Variants in PRLR observed in about 807,000 individuals in gnomAD.
PRLR encodes the protein hPRL receptor.
PRLR carries 13 observed loss-of-function variants against 40.2 expected under a neutral mutation model. That is an observed-to-expected ratio of 0.32 (90% confidence interval 0.21 to 0.51). The LOEUF is 0.51. Ranked by LOEUF, PRLR falls within the 20% of genes least tolerant of loss-of-function variation. The pLI, the probability that PRLR is intolerant of heterozygous loss-of-function variation, is 0.97. For missense variants in PRLR, 656 were observed against 747.3 expected (o/e 0.88, Z 1.42); for synonymous variants, 269 against 278.7 (o/e 0.97, Z 0.35).
chr5:35,222,244 G>A (rs1470179822), intron 1 of PRLR, among the ~76,000 whole-genome samples: 8 of 152,012 alleles, frequency 5.3e-5, no homozygotes, highest in Admixed American at 1.3e-4. Flanking sequence ...CAGAGGTTGC[G>A]GTGAGCCGAG....
At chr5:35,092,543 G>A (rs1343614073) in intron 2 of PRLR, among the ~76,000 whole-genome samples, 1 of 152,094 alleles carries the variant, frequency 6.6e-6, no homozygotes, top group South Asian at 2.1e-4. Flanking sequence ...CACTAAGCTG[G>A]GGATAAATTA....
intron 1 of PRLR, among the ~76,000 whole-genome samples, chr5:35,203,950 G>A (rs1775945264): frequency 6.6e-6 from 1 of 151,966 alleles, no homozygotes; most frequent in African/African-American, 2.4e-5. Flanking sequence ...GAGGGTCACA[G>A]TAGTCACCAA....
At chr5:35,053,839 T>C (rs73091119), downstream of PRLR, among the ~76,000 whole-genome samples, 340 of 152,184 alleles carry the variant, frequency 2.2e-3, 1 homozygote, top group African/African-American at 7.8e-3. Flanking sequence ...TGGCCAAGAA[T>C]GGCCACAACA....
chr5:35,190,512 G>A (rs1775571349), intron 1 of PRLR, among the ~76,000 whole-genome samples: 1 of 152,094 alleles, frequency 6.6e-6, no homozygotes, highest in South Asian at 2.1e-4. Flanking sequence ...GTCTGAGGCA[G>A]GAGAATCGCT....
Position 35,065,499 on chromosome 5 carries a change from C to G in PRLR, c.1459G>C (p.Asp487His). The G allele has an allele frequency of 6.2e-7, 1 of 1,614,080 alleles. No homozygotes were observed. Reference sequence around the variant, plus strand: ...GGCAGCAGCCAGGGCGTATCCTGGTCAGTCTCAGAATGGAAGCTTTCTACC... The same window carrying G: ...GGCAGCAGCCAGGGCGTATCCTGGTGAGTCTCAGAATGGAAGCTTTCTACC... ...REVESFHSETDQDTPWLLPQE... is the reference protein window; with the variant it reads ...REVESFHSETHQDTPWLLPQE... The change falls in exon 10 of 10, where the codon GAC becomes CAC. Residue 487 changes from aspartate (D) to histidine (H), a missense_variant. Coordinates refer to ENST00000618457, the MANE Select transcript of PRLR (RefSeq NM_000949.7).
chr5:35,176,161 C>T (rs1775142404), intron 1 of PRLR, among the ~76,000 whole-genome samples: 1 of 152,046 alleles, frequency 6.6e-6, no homozygotes, highest in Non-Finnish European at 1.5e-5. Flanking sequence ...ATCTATTTGT[C>T]TCCCAATTTT....
downstream of PRLR, among the ~76,000 whole-genome samples, chr5:35,052,121 T>C (rs778204706): frequency 2.0e-5 from 3 of 152,156 alleles, no homozygotes; most frequent in Non-Finnish European, 4.4e-5. Context: ...AACTTACTTA[T>C]AAATCACCTC....
intron 1 of PRLR, among the ~76,000 whole-genome samples, chr5:35,137,096 G>A (rs2962110): frequency 0.21 from 31,717 of 152,146 alleles, 5,985 homozygotes; most frequent in African/African-American, 0.5. Flanking sequence ...ATCAGCAAAC[G>A]TTTACTGAGG....
chr5:35,197,652 T>C (rs537568423), intron 1 of PRLR, among the ~76,000 whole-genome samples: 1 of 152,332 alleles, frequency 6.6e-6, no homozygotes, highest in Admixed American at 6.5e-5. Context: ...GGGTGGAGGC[T>C]GAAGATGACC....
chr5:35,124,844 T>C (rs985771162), intron 1 of PRLR, among the ~76,000 whole-genome samples: 6 of 152,312 alleles, frequency 3.9e-5, no homozygotes, highest in African/African-American at 1.4e-4. Flanking sequence ...TTTTCCAAAA[T>C]GTTTTTCATC....
chr5:35,119,450 A>G (rs144241245), intron 1 of PRLR, among the ~76,000 whole-genome samples: 47 of 151,958 alleles, frequency 3.1e-4, no homozygotes, highest in African/African-American at 8.9e-4. Flanking sequence ...GGCATGATCA[A>G]TCAAGAGCCT....
intron 1 of PRLR, among the ~76,000 whole-genome samples, chr5:35,138,321 T>G (rs1047804302): frequency 1.3e-5 from 2 of 152,230 alleles, no homozygotes; most frequent in African/African-American, 4.8e-5. Context: ...AACTGTACAC[T>G]TAAGAATAGT....
chr5:35,060,462 G>A lies in PRLR; in HGVS notation c.*4627C>T, dbSNP rs1339684849. The A allele has an allele frequency of 1.3e-5, 2 of 152,162 alleles. No individual in the cohort carries two copies. The highest frequency in any genetic ancestry group is 3.9e-4 in the East Asian group (2 of 5,180). The allele number at this position is 152,162 out of a possible 1,614,324, so 9.4% of individuals were successfully genotyped here. A position where few individuals can be genotyped will look rare whatever the true frequency, so the allele number is the denominator to read the frequency against. The stretch of plus-strand genomic sequence containing the variant: ...AAGGGTGTGTCAGCAAGGCTTTCTT[G>A]CACTGCACCAGGGACACTGACCTGA... On this transcript the variant is annotated 3_prime_UTR_variant, in exon 10 of 10. Coordinates refer to ENST00000618457, the MANE Select transcript of PRLR (RefSeq NM_000949.7).
intron 9 of PRLR, among the ~76,000 whole-genome samples, chr5:35,066,905 A>T (rs930031786): frequency 7.2e-5 from 11 of 151,920 alleles, no homozygotes; most frequent in South Asian, 4.2e-4. Context: ...CTGGGACAAC[A>T]GGCGCCCACC....
chr5:35,220,758 C>T (rs982365727), intron 1 of PRLR, among the ~76,000 whole-genome samples: 7 of 152,110 alleles, frequency 4.6e-5, no homozygotes, highest in African/African-American at 1.7e-4. Flanking sequence ...ATCGTTCTCC[C>T]CTGCGATCTT....
At chr5:35,207,228 C>A (rs944833480) in intron 1 of PRLR, among the ~76,000 whole-genome samples, 7 of 151,950 alleles carry the variant, frequency 4.6e-5, no homozygotes, top group Non-Finnish European at 8.8e-5. Flanking sequence ...GGAAGGAGAA[C>A]AATTATCATT....
chr5:35,086,546 G>C (rs1770860857), intron 3 of PRLR, among the ~76,000 whole-genome samples: 1 of 151,490 alleles, frequency 6.6e-6, no homozygotes, highest in Non-Finnish European at 1.5e-5. Flanking sequence ...ATTGCTCTTA[G>C]AGAGCATTTT....
chr5:35,220,008 C>T (rs949598506), intron 1 of PRLR, among the ~76,000 whole-genome samples: 1 of 152,160 alleles, frequency 6.6e-6, no homozygotes, highest in African/African-American at 2.4e-5. Flanking sequence ...CCTCTTCCAC[C>T]TTGCTTGCTG....
chr5:35,085,400 T>A (rs1770785283), intron 4 of PRLR, among the ~76,000 whole-genome samples: 1 of 152,162 alleles, frequency 6.6e-6, no homozygotes, highest in Non-Finnish European at 1.5e-5. Context: ...CAACTAAATA[T>A]TTTCCTTTCT....
Sources: allele counts gnomAD v4.1 joint callset (sites outside exome capture counted in the v4.1 genomes callset), GRCh38; gene constraint gnomAD v4.1.1; transcripts MANE v1.5; gene names NCBI Gene and HGNC (gene_info 2026-07-23, HGNC 2026-07-21).